The following STARD13 variants were observed in gnomAD, a reference collection of about 807,000 sequenced individuals.
STARD13 encodes stAR-related lipid transfer protein 13.
STARD13 carries 62 observed loss-of-function variants against 106.4 expected under a neutral mutation model. That is an observed-to-expected ratio of 0.58 (90% CI 0.48 to 0.72). The LOEUF (loss-of-function observed/expected upper bound fraction) is 0.72. Ranked by LOEUF, STARD13 falls within the 30% of genes least tolerant of loss-of-function variation. STARD13 has a pLI of 0.00. For missense variants in STARD13, 1,387 were observed against 1,424.0 expected (o/e 0.97, Z 0.42); for synonymous variants, 565 against 553.0 (o/e 1.02, Z -0.31).
intron 1 of STARD13, among the ~76,000 whole-genome samples, chr13:33,246,516 G>A (rs1889830184): frequency 6.6e-6 from 1 of 152,024 alleles, no homozygotes; most frequent in South Asian, 2.1e-4. Context: ...ATTTCAATAG[G>A]TTTCATACCC....
the STARD13 span, among the ~76,000 whole-genome samples, chr13:33,672,754 A>C: frequency 1.3e-5 from 2 of 152,224 alleles, no homozygotes; most frequent in Non-Finnish European, 2.9e-5. Flanking sequence ...GATGGGAAAT[A>C]ATTATTTGCA....
At chr13:33,574,920 T>TA in the STARD13 span, among the ~76,000 whole-genome samples, 2 of 144,230 alleles carry the variant, frequency 1.4e-5, no homozygotes, top group African/African-American at 5.5e-5. Flanking sequence ...CTACTTTTTT[T>TA]TTTTTTTTTT....
intron 1 of STARD13, among the ~76,000 whole-genome samples, chr13:33,305,519 G>A (rs1892873400): frequency 6.6e-6 from 1 of 152,186 alleles, no homozygotes. Context: ...TAAATACTGA[G>A]CATAAAGAAA....
chr13:33,259,764 A>G (rs1890544357), intron 1 of STARD13, among the ~76,000 whole-genome samples: 1 of 152,188 alleles, frequency 6.6e-6, no homozygotes, highest in African/African-American at 2.4e-5. Flanking sequence ...ATATCTATTT[A>G]TGCAGGCACT....
chr13:33,244,315 G>T (rs1889715708), intron 1 of STARD13, among the ~76,000 whole-genome samples: 1 of 151,888 alleles, frequency 6.6e-6, no homozygotes, highest in South Asian at 2.1e-4. Flanking sequence ...TCACATTACT[G>T]GGAAATAGTA....
the STARD13 span, among the ~76,000 whole-genome samples, chr13:33,528,821 C>G: frequency 6.6e-6 from 1 of 151,978 alleles, no homozygotes; most frequent in Non-Finnish European, 1.5e-5. Flanking sequence ...GGGCTGCTGC[C>G]TAAGTTCATA....
chr13:33,448,533 T>C, the STARD13 span, among the ~76,000 whole-genome samples: 1 of 152,204 alleles, frequency 6.6e-6, no homozygotes, highest in Non-Finnish European at 1.5e-5. Flanking sequence ...TTTACTTACC[T>C]TGGCTGTTGT....
the STARD13 span, among the ~76,000 whole-genome samples, chr13:33,385,644 G>A: frequency 6.6e-6 from 1 of 151,706 alleles, no homozygotes; most frequent in Non-Finnish European, 1.5e-5. Flanking sequence ...CGGATCACCT[G>A]AGGTCAGGAG....
chr13:33,313,353 T>C (rs940338381), intron 1 of STARD13, among the ~76,000 whole-genome samples: 1 of 152,226 alleles, frequency 6.6e-6, no homozygotes, highest in African/African-American at 2.4e-5. Flanking sequence ...ACCAATCCCA[T>C]TAAATATTTC....
At chr13:33,170,459 T>A (rs1883828854) in intron 1 of STARD13, among the ~76,000 whole-genome samples, 1 of 152,210 alleles carries the variant, frequency 6.6e-6, no homozygotes, top group Non-Finnish European at 1.5e-5. Flanking sequence ...GCAACATGGA[T>A]AACGAACTGA....
At chr13:33,177,384 C>T (rs2138423589) in intron 1 of STARD13, among the ~76,000 whole-genome samples, 1 of 152,124 alleles carries the variant, frequency 6.6e-6, no homozygotes, top group East Asian at 1.9e-4. Context: ...AAGGAAAAAA[C>T]ACAAACCAAA....
intron 1 of STARD13, chr13:33,272,973 T>A (rs1891234635): frequency 6.6e-6 from 1 of 152,176 alleles, no homozygotes; most frequent in South Asian, 2.1e-4. Context: ...CTTTTACCGG[T>A]TAATGTTTTA....
At chr13:33,143,353 GGTCATTGTGTAA>G (rs1388945639) in intron 3 of STARD13, among the ~76,000 whole-genome samples, 1 of 152,026 alleles carries the variant, frequency 6.6e-6, no homozygotes. Context: ...GCTTCTTCTT[GGTCATTGTGTAA>G]GTAGAATTAT....
intron 1 of STARD13, among the ~76,000 whole-genome samples, chr13:33,219,234 C>A (rs1032165485): frequency 6.6e-6 from 1 of 151,942 alleles, no homozygotes; most frequent in South Asian, 2.1e-4. Flanking sequence ...GCAAAGACAC[C>A]AATCTTTCTT....
rs1239364556 is a variant in STARD13 at position 33,111,707 on chromosome 13, G to T, written c.2607+71C>A. ...CAAACAGATAGAAACCATAAATGTA[G>T]CAACAATCCCAAGCGTCTTATCTAG... On this transcript the variant is annotated intron_variant, in intron 10 of 13. Transcript: ENST00000336934. The T allele has an allele frequency of 2.2e-5, 20 of 900,636 alleles. No individual in the cohort carries two copies. In the Admixed American group the frequency reaches 3.7e-4, roughly 17 times the overall value. 55.8% of individuals were successfully genotyped at this position (900,636 alleles called of 1,614,324 possible). A position where few individuals can be genotyped will look rare whatever the true frequency, so the allele number is the denominator to read the frequency against.
the STARD13 span, among the ~76,000 whole-genome samples, chr13:33,499,579 CTTCTTCTTCTTCTTCTTCTTCTTCT>C: frequency 2.9e-5 from 2 of 69,496 alleles, no homozygotes; most frequent in African/African-American, 1.1e-4. Flanking sequence ...TCTTCTTCTT[CTTCTTCTTCTTCTTCTTCTTCTTCT>C]TTCTTCTTCT....
intron 1 of STARD13, among the ~76,000 whole-genome samples, chr13:33,197,983 A>G (rs1886756030): frequency 6.6e-6 from 1 of 152,208 alleles, no homozygotes; most frequent in African/African-American, 2.4e-5. Flanking sequence ...ACACTGGCTA[A>G]CATGGTAAAA....
chr13:33,249,953 C>T (rs145554190), intron 1 of STARD13, among the ~76,000 whole-genome samples: 58 of 152,138 alleles, frequency 3.8e-4, no homozygotes, highest in Non-Finnish European at 6.6e-4. Flanking sequence ...CCATGCTTGC[C>T]TAATTTTTTT....
At chr13:33,300,476 C>G (rs183408327) in intron 1 of STARD13, among the ~76,000 whole-genome samples, 1 of 152,276 alleles carries the variant, frequency 6.6e-6, no homozygotes, top group Non-Finnish European at 1.5e-5. Flanking sequence ...TCGCCAACTT[C>G]GTATGAATTA....
Sources: allele counts gnomAD v4.1 joint callset (sites outside exome capture counted in the v4.1 genomes callset), GRCh38; gene constraint gnomAD v4.1.1; transcripts MANE v1.5; gene names NCBI Gene and HGNC (gene_info 2026-07-23, HGNC 2026-07-21).